The following NXPE2 variants were observed in gnomAD, a reference collection of about 807,000 sequenced individuals.
The protein encoded by NXPE2 is NXPE family member 2.
In NXPE2, 34 loss-of-function variants were observed where a neutral mutation model predicts 34.4. That is an observed-to-expected ratio of 0.99 (90% CI 0.75 to 1.31). The LOEUF is 1.31. Ranked by LOEUF, NXPE2 falls within the 40% of genes most tolerant of loss-of-function variation. The probability of loss-of-function intolerance (pLI) is 0.00; values close to 1 mark genes in which losing one functional copy is unlikely to be tolerated. For synonymous variants in NXPE2, 235 were observed against 231.3 expected, an observed-to-expected ratio of 1.02 and a Z score of -0.15; for missense variants, 649 against 672.5, an observed-to-expected ratio of 0.97 and a Z score of 0.39.
At chr11:114,570,832 G>C in the NXPE2 span, 1 of 714,884 alleles carries the variant, frequency 1.4e-6, no homozygotes, top group South Asian at 2.1e-5. Context: ...TAGATTCTCT[G>C]CTCTTGCTAG....
At chr11:114,586,700 C>G in the NXPE2 span, among the ~76,000 whole-genome samples, 1 of 152,164 alleles carries the variant, frequency 6.6e-6, no homozygotes, top group Non-Finnish European at 1.5e-5. Flanking sequence ...CTGAAGGTTT[C>G]TGGACTAATT....
the NXPE2 span, among the ~76,000 whole-genome samples, chr11:114,713,731 T>A: frequency 6.6e-6 from 1 of 152,212 alleles, no homozygotes; most frequent in Non-Finnish European, 1.5e-5. Context: ...TTAGGAGGCA[T>A]GTGATTAAAA....
At chr11:114,507,676 C>A in the NXPE2 span, among the ~76,000 whole-genome samples, 1 of 152,058 alleles carries the variant, frequency 6.6e-6, no homozygotes, top group African/African-American at 2.4e-5. Context: ...ATGGAAAAGG[C>A]TTTTTGTAAA....
chr11:114,567,170 C>T, the NXPE2 span, among the ~76,000 whole-genome samples: 1 of 152,126 alleles, frequency 6.6e-6, no homozygotes, highest in Non-Finnish European at 1.5e-5. Context: ...CAGCCTCATC[C>T]TGGCCTGGCA....
chr11:114,766,293 C>A, the NXPE2 span, among the ~76,000 whole-genome samples: 1 of 152,112 alleles, frequency 6.6e-6, no homozygotes, highest in Non-Finnish European at 1.5e-5. Flanking sequence ...CTTCCACCTG[C>A]TATAAATCAA....
chr11:114,784,965 A>G, the NXPE2 span, among the ~76,000 whole-genome samples: 2 of 152,146 alleles, frequency 1.3e-5, no homozygotes, highest in Non-Finnish European at 2.9e-5. Context: ...GGAGGTATAG[A>G]TAAAAACCAG....
chr11:114,746,212 C>T, the NXPE2 span, among the ~76,000 whole-genome samples: 8 of 152,098 alleles, frequency 5.3e-5, no homozygotes, highest in South Asian at 2.1e-4. Flanking sequence ...GTTGTACTCT[C>T]GGTAATGAGG....
chr11:114,632,041 A>G, the NXPE2 span, among the ~76,000 whole-genome samples: 120 of 145,388 alleles, frequency 8.3e-4, 1 homozygote, highest in African/African-American at 2.6e-3. Flanking sequence ...TATATATAAT[A>G]TATAATTTAA....
chr11:114,646,295 T>C, the NXPE2 span, among the ~76,000 whole-genome samples: 1 of 151,678 alleles, frequency 6.6e-6, no homozygotes, highest in Non-Finnish European at 1.5e-5. Flanking sequence ...ATTTTTTTCA[T>C]AAATATTATG....
the NXPE2 span, among the ~76,000 whole-genome samples, chr11:114,633,262 T>A: frequency 1.5e-5 from 2 of 135,142 alleles, no homozygotes; most frequent in East Asian, 4.2e-4. Context: ...TATATAAGAA[T>A]GTTATATAGT....
At chr11:114,587,653 G>A in the NXPE2 span, among the ~76,000 whole-genome samples, 41 of 152,322 alleles carry the variant, frequency 2.7e-4, no homozygotes, top group African/African-American at 7.7e-4. Flanking sequence ...GGCTCAGGGC[G>A]CCAAGGAGGG....
At chr11:114,522,330 C>T in the NXPE2 span, 1 of 1,614,098 alleles carries the variant, frequency 6.2e-7, no homozygotes, top group Non-Finnish European at 8.5e-7. Context: ...TTTTTGTCAC[C>T]TGATAGCCGG....
chr11:114,757,889 A>G, the NXPE2 span, among the ~76,000 whole-genome samples: 3 of 152,200 alleles, frequency 2.0e-5, no homozygotes, highest in African/African-American at 7.2e-5. Context: ...TTCTCAGGCC[A>G]TTTTTAAGTG....
chr11:114,540,885 T>TTTTTTTTTTTTTTG, the NXPE2 span, among the ~76,000 whole-genome samples: 3 of 81,242 alleles, frequency 3.7e-5, 1 homozygote, highest in Non-Finnish European at 7.4e-5. Context: ...TTTTTTTTTT[T>TTTTTTTTTTTTTTG]GGCTTGAACA....
the NXPE2 span, among the ~76,000 whole-genome samples, chr11:114,492,980 G>T: frequency 6.6e-6 from 1 of 152,116 alleles, no homozygotes; most frequent in Non-Finnish European, 1.5e-5. Context: ...ATATCTGGGT[G>T]CTCCAATGTT....
chr11:114,502,378 T>C, the NXPE2 span, among the ~76,000 whole-genome samples: 1 of 152,220 alleles, frequency 6.6e-6, no homozygotes, highest in Non-Finnish European at 1.5e-5. Context: ...GCCTTATTTT[T>C]ATATTTCCAT....
chr11:114,731,811 G>A, the NXPE2 span, among the ~76,000 whole-genome samples: 6 of 152,096 alleles, frequency 3.9e-5, no homozygotes, highest in Admixed American at 3.9e-4. Context: ...TAAGATTGGT[G>A]GATTATGTCA....
At chr11:114,530,026 G>T in the NXPE2 span, 2 of 744,304 alleles carry the variant, frequency 2.7e-6, no homozygotes, top group East Asian at 5.1e-5. Context: ...GGCCTAGAGT[G>T]GTGAGTAGAG....
chr11:114,720,456 G>A, the NXPE2 span, among the ~76,000 whole-genome samples: 1 of 152,248 alleles, frequency 6.6e-6, no homozygotes, highest in African/African-American at 2.4e-5. Flanking sequence ...CATATGTGTC[G>A]GGGTAGCACA....
Sources: gnomAD v4.1 joint callset for allele counts (sites outside exome capture counted in the v4.1 genomes callset) on GRCh38, gnomAD v4.1.1 for gene constraint, MANE v1.5 for transcripts, NCBI Gene and HGNC (gene_info 2026-07-23, HGNC 2026-07-21) for gene names.